HS6ST2: variants seen among roughly 807,000 people sequenced by gnomAD.
HS6ST2 encodes the protein heparan-sulfate 6-O-sulfotransferase 2.
A neutral mutation model predicts 33.0 loss-of-function variants in HS6ST2; 17 were observed. The ratio of observed to expected loss-of-function variants is 0.52; its 90% CI spans 0.35 to 0.77. The LOEUF (loss-of-function observed/expected upper bound fraction) is 0.77. Among genes scored for constraint, HS6ST2 ranks in the 30% least tolerant of loss-of-function variants. The probability of loss-of-function intolerance (pLI) is 0.01; values close to 1 mark genes in which losing one functional copy is unlikely to be tolerated. For missense variants in HS6ST2, 519 were observed against 551.7 expected, an observed-to-expected ratio of 0.94 and a Z score of 0.59; for synonymous variants, 248 against 237.1, an observed-to-expected ratio of 1.05 and a Z score of -0.42.
intron 4 of HS6ST2, among the ~76,000 whole-genome samples, chrX:132,656,169 C>T (rs763393402): frequency 4.5e-5 from 5 of 111,687 alleles, no homozygotes; most frequent in South Asian, 3.8e-4. Flanking sequence ...GGAACAATCA[C>T]CTGTCAGTCT....
intron 2 of HS6ST2, among the ~76,000 whole-genome samples, chrX:132,775,916 T>C (rs779959969): frequency 4.2e-4 from 47 of 111,228 alleles, no homozygotes; most frequent in Non-Finnish European, 6.6e-4. Flanking sequence ...TTGTCTTAGG[T>C]CCTGAAAAAA....
At chrX:132,630,343 A>G (rs1377523697) in intron 4 of HS6ST2, among the ~76,000 whole-genome samples, 1 of 112,371 alleles carries the variant, frequency 8.9e-6, no homozygotes, top group African/African-American at 3.2e-5. Flanking sequence ...ATGAGGAGCC[A>G]CAGGGAACCT....
upstream of HS6ST2, among the ~76,000 whole-genome samples, chrX:132,960,459 T>A (rs1231999710): frequency 9.0e-6 from 1 of 111,209 alleles, no homozygotes; most frequent in Non-Finnish European, 1.9e-5. Flanking sequence ...GGGTCACAAA[T>A]TCAAGCCCTC....
Position 132,626,079 on chromosome X carries a change from G to T in HS6ST2, c.*2144C>A, listed in dbSNP as rs751903903. ...ACAAAATCAGTGAATGGTTTGTAAAGCTACACCAATGGACAGATGTTTACA... is the reference window on the plus strand; with the variant it reads ...ACAAAATCAGTGAATGGTTTGTAAATCTACACCAATGGACAGATGTTTACA... On this transcript the variant is annotated 3_prime_UTR_variant, in exon 5 of 5. Transcript: ENST00000370833. 3.0e-4 allele frequency: 34 copies of T among 112,522 alleles called. No homozygotes were observed. The highest frequency in any genetic ancestry group is 1.7e-3 in the East Asian group (6 of 3,580). The allele number at this position is 112,522 out of a possible 1,213,427, so 9.3% of individuals were successfully genotyped here.
At chrX:132,795,151 G>C (rs761408155) in intron 2 of HS6ST2, among the ~76,000 whole-genome samples, 7 of 111,455 alleles carry the variant, frequency 6.3e-5, no homozygotes, top group Non-Finnish European at 1.3e-4. Context: ...GACTGAGAGG[G>C]AAGGGGATGG....
chrX:132,856,693 A>G (rs755385756), intron 2 of HS6ST2, among the ~76,000 whole-genome samples: 12 of 111,399 alleles, frequency 1.1e-4, no homozygotes, highest in South Asian at 7.6e-4. Flanking sequence ...TAGCCCGGGG[A>G]AAAAAAAGAA....
intron 2 of HS6ST2, among the ~76,000 whole-genome samples, chrX:132,859,978 T>C (rs774687101): frequency 9.1e-6 from 1 of 110,334 alleles, no homozygotes; most frequent in African/African-American, 3.3e-5. Flanking sequence ...CCAAGTCTAG[T>C]TGTCTGGTTT....
chrX:132,876,461 T>C lies in HS6ST2; in HGVS notation c.947+80347A>G, dbSNP rs140405572. On this transcript the variant is annotated intron_variant, in intron 2 of 4. Transcript: ENST00000370833. Reference sequence around the variant, plus strand: ...CAGCTTATTTTCAAGTAATCAGCATTGCGGGTTAGGTGTTTACCATTAGGA... The same window carrying C: ...CAGCTTATTTTCAAGTAATCAGCATCGCGGGTTAGGTGTTTACCATTAGGA... Among the ~76,000 whole-genome samples, 411 of 112,052 alleles carry C rather than the reference T, an allele frequency of 3.7e-3. 1 individual carries two copies. Among genetic ancestry groups the C allele is most frequent in the African/African-American group, 0.013 (387 of 30,839 alleles).
intron 2 of HS6ST2, among the ~76,000 whole-genome samples, chrX:132,833,578 C>A (rs747207937): frequency 1.8e-5 from 2 of 110,981 alleles, no homozygotes; most frequent in Non-Finnish European, 3.8e-5. Context: ...CCTCAGGCTG[C>A]AGCCAGAAGC....
intron 2 of HS6ST2, among the ~76,000 whole-genome samples, chrX:132,871,667 A>C (rs1022311792): frequency 9.1e-6 from 1 of 110,441 alleles, no homozygotes; most frequent in African/African-American, 3.3e-5. Context: ...TTCTCAGCGA[A>C]CTAACACAGG....
At position 132,813,757 on chromosome X, in the gene HS6ST2, C is replaced by T. The variant is rs2065371381; in HGVS notation, c.948-105263G>A. Reference sequence around the variant, plus strand: ...TTACCACGCCCCTAGTTCATGTCCTCGCTGCCTTTTACCTACCGTAAAAGC... The same window carrying T: ...TTACCACGCCCCTAGTTCATGTCCTTGCTGCCTTTTACCTACCGTAAAAGC... On this transcript the variant is annotated intron_variant, in intron 2 of 4. Transcript: ENST00000370833. Among the ~76,000 whole-genome samples the T allele has an allele frequency of 2.7e-5, 3 of 109,989 alleles. No homozygotes were observed. In the South Asian group the frequency reaches 1.2e-3, roughly 44 times the overall value.
chrX:132,636,431 C>T (rs749284288), intron 4 of HS6ST2, among the ~76,000 whole-genome samples: 2 of 111,815 alleles, frequency 1.8e-5, no homozygotes, highest in African/African-American at 3.2e-5. Flanking sequence ...AGTTTAAGGA[C>T]GTTAAAAATA....
At chrX:132,812,353 C>T (rs369450628) in intron 2 of HS6ST2, among the ~76,000 whole-genome samples, 4 of 104,431 alleles carry the variant, frequency 3.8e-5, no homozygotes, top group Admixed American at 1.1e-4. Flanking sequence ...TGCAGTGAGC[C>T]GAGATTGCAC....
chrX:132,643,019 T>C (rs190220648), intron 4 of HS6ST2, among the ~76,000 whole-genome samples: 4 of 111,781 alleles, frequency 3.6e-5, no homozygotes, highest in South Asian at 3.8e-4. Flanking sequence ...TTCCTCCAGA[T>C]TGCAATTTTA....
chrX:132,958,644 A>T (rs748741474), upstream of HS6ST2: 1 of 1,080,342 alleles, frequency 9.3e-7, no homozygotes, highest in Non-Finnish European at 1.2e-6. Flanking sequence ...ATCACGAGCG[A>T]GCTTGAATTT....
intron 2 of HS6ST2, among the ~76,000 whole-genome samples, chrX:132,927,693 G>A (rs528572393): frequency 1.8e-5 from 2 of 110,228 alleles, no homozygotes; most frequent in African/African-American, 3.3e-5. Context: ...GCAAAACCCC[G>A]TGTCTACCAA....
intron 2 of HS6ST2, among the ~76,000 whole-genome samples, chrX:132,846,275 G>GA (rs2065749595): frequency 8.9e-6 from 1 of 112,001 alleles, no homozygotes. Flanking sequence ...TTGTCCCTTG[G>GA]AAAAAACATT....
chrX:132,871,490 T>C (rs1240622791), intron 2 of HS6ST2, among the ~76,000 whole-genome samples: 1 of 111,930 alleles, frequency 8.9e-6, no homozygotes, highest in Non-Finnish European at 1.9e-5. Flanking sequence ...CGTATGTTTA[T>C]TGCAGCACTG....
intron 3 of HS6ST2, among the ~76,000 whole-genome samples, chrX:132,706,897 A>G (rs749635734): frequency 1.3e-4 from 14 of 111,748 alleles, no homozygotes; most frequent in South Asian, 7.5e-4. Context: ...ATATTTACCA[A>G]AACCGTTTCT....
Sources: gnomAD v4.1 joint callset for allele counts (sites outside exome capture counted in the v4.1 genomes callset) on GRCh38, gnomAD v4.1.1 for gene constraint, MANE v1.5 for transcripts, NCBI Gene and HGNC (gene_info 2026-07-23, HGNC 2026-07-21) for gene names.